Variants in NFX1 observed in about 807,000 individuals in gnomAD.
The protein encoded by NFX1 is nuclear transcription factor, X-box binding 1.
A neutral mutation model predicts 137.2 loss-of-function variants in NFX1; 69 were observed. That is an observed-to-expected ratio of 0.50 (90% CI 0.41 to 0.61). The LOEUF is 0.61. Ranked by LOEUF, NFX1 falls within the 20% of genes least tolerant of loss-of-function variation. NFX1 has a pLI of 0.00. For synonymous variants in NFX1, 495 were observed against 474.1 expected, an observed-to-expected ratio of 1.04 and a Z score of -0.57; for missense variants, 1,167 against 1,391.0, an observed-to-expected ratio of 0.84 and a Z score of 2.56.
intron 23 of NFX1, 40 bp from the exon 24 acceptor site, chr9:33,369,866 C>T (rs1824276175): frequency 6.7e-7 from 1 of 1,485,568 alleles, no homozygotes; most frequent in Admixed American, 1.7e-5. Context: ...CTGTTTCCCC[C>T]AAAGAAGAAA....
At chr9:33,316,484 TG>T (rs1822168247) in intron 7 of NFX1, among the ~76,000 whole-genome samples, 1 of 152,188 alleles carries the variant, frequency 6.6e-6, no homozygotes, top group African/African-American at 2.4e-5. Context: ...AAGTCTTTTT[TG>T]TACAAATTTC....
intron 19 of NFX1, among the ~76,000 whole-genome samples, chr9:33,359,330 G>T (rs1448364838): frequency 6.6e-6 from 1 of 152,084 alleles, no homozygotes; most frequent in Non-Finnish European, 1.5e-5. Flanking sequence ...CGGGCGCGGT[G>T]GCTCACGCCT....
At chr9:33,336,974 C>T (rs1823029242) in intron 11 of NFX1, among the ~76,000 whole-genome samples, 1 of 152,024 alleles carries the variant, frequency 6.6e-6, no homozygotes, top group African/African-American at 2.4e-5. Context: ...TGGTGGCAGG[C>T]ACCTGTAATC....
At position 33,338,059 on chromosome 9, in the gene NFX1, A is replaced by G. The variant is rs548544098; in HGVS notation, c.2036-451A>G. 3.5e-4 allele frequency among the ~76,000 whole-genome samples: 53 copies of G among 151,558 alleles called. 1 individual carries two copies. The East Asian group carries it at 7.5e-3, about 22-fold the overall frequency. ...GTGAGACCCTGTCTCAGAAAAAAAA[A>G]AAGAAAGCAAAAAGGCCAGGCGTGT... On this transcript the variant is annotated intron_variant, in intron 11 of 23. Coordinates refer to ENST00000379540, the MANE Select transcript of NFX1 (RefSeq NM_002504.6).
In NFX1 at chr9:33,315,507, A is replaced by G. The variant is rs529517444; in HGVS notation, c.1588+1714A>G. On this transcript the variant is annotated intron_variant, in intron 7 of 23. Coordinates refer to ENST00000379540, the MANE Select transcript of NFX1 (RefSeq NM_002504.6). ...CCTGGGTTGTTCAAAATCAGCTGTC[A>G]TATATTCTTTCCCCAGCGTTTCCTT... is the stretch of plus-strand genomic sequence containing the variant. Among the ~76,000 whole-genome samples the G allele has an allele frequency of 1.8e-4, 27 of 152,166 alleles. No homozygotes were observed. The South Asian group carries it at 4.8e-3, about 27-fold the overall frequency.
intron 19 of NFX1, among the ~76,000 whole-genome samples, chr9:33,355,980 G>A (rs556439874): frequency 6.6e-6 from 1 of 152,200 alleles, no homozygotes; most frequent in South Asian, 2.1e-4. Flanking sequence ...CTATATTTCT[G>A]TACATTTCTG....
chr9:33,316,662 A>G (rs1395350301), intron 7 of NFX1, among the ~76,000 whole-genome samples: 1 of 152,196 alleles, frequency 6.6e-6, no homozygotes, highest in Non-Finnish European at 1.5e-5. Context: ...AGCCTTATCT[A>G]GAGATTAATA....
chr9:33,365,144 G>A, intron 21 of NFX1: 1 of 249,370 alleles, frequency 4.0e-6, no homozygotes, highest in South Asian at 1.0e-4. Context: ...TGTGGTGGCG[G>A]GCACCTGTTA....
At chr9:33,351,934 G>GT in intron 16 of NFX1, 144 bp downstream of exon 16, 1 of 750,888 alleles carries the variant, frequency 1.3e-6, no homozygotes, top group South Asian at 2.3e-5. Flanking sequence ...GAAAGGTAGA[G>GT]TAAGTCATAC....
In NFX1 at chr9:33,306,011, T is replaced by G. The variant is rs144726964; in HGVS notation, c.1271-1183T>G. On this transcript the variant is annotated intron_variant, in intron 4 of 23. Transcript: ENST00000379540. Reference sequence around the variant, plus strand: ...AAAGCAAAAAACCCCAAAACATCATTTGGAGTCAGGGACAAAAGGTAGAGC... The same window carrying G: ...AAAGCAAAAAACCCCAAAACATCATGTGGAGTCAGGGACAAAAGGTAGAGC... Among the ~76,000 whole-genome samples the G allele has an allele frequency of 3.9e-5, 6 of 152,074 alleles. No homozygotes were observed. The East Asian group carries it at 1.2e-3, about 29-fold the overall frequency.
intron 22 of NFX1, among the ~76,000 whole-genome samples, chr9:33,367,128 T>C (rs1824192424): frequency 1.3e-5 from 2 of 152,350 alleles, no homozygotes; most frequent in Admixed American, 6.5e-5. Context: ...GGCTCTGTCC[T>C]CTTGGCATGG....
At chr9:33,365,365 G>A (rs2118700723) in intron 21 of NFX1, 1 of 152,472 alleles carries the variant, frequency 6.6e-6, no homozygotes, top group East Asian at 1.9e-4. Flanking sequence ...CAGCGCTTTG[G>A]GAGGCTGAGG....
rs1292970347 is a variant in NFX1 at position 33,294,820 on chromosome 9, T to C, written c.426T>C (p.Ser142=). 2 of 1,613,280 alleles carry C rather than the reference T, an allele frequency of 1.2e-6. No homozygotes were observed. Among genetic ancestry groups the C allele is most frequent in the Non-Finnish European group, 1.7e-6 (2 of 1,179,872 alleles). The change falls in exon 2 of 24, where the codon AGT becomes AGC. Residue 142 remains serine, a synonymous_variant. Transcript: ENST00000379540. Reference sequence around the variant, plus strand: ...TAGAGAGCTCGACCAGATCAGAGAGTGGGACAGACCTCAGAGAGCATAGTC... The same window carrying C: ...TAGAGAGCTCGACCAGATCAGAGAGCGGGACAGACCTCAGAGAGCATAGTC... ...AGLESSTRSE[S]GTDLREHSPS...
At chr9:33,334,126 C>T (rs1020054250) in intron 11 of NFX1, among the ~76,000 whole-genome samples, 5 of 152,140 alleles carry the variant, frequency 3.3e-5, no homozygotes, top group Admixed American at 2.6e-4. Context: ...GCCTGGGCGA[C>T]AGAGTGAGAC....
intron 1 of NFX1, among the ~76,000 whole-genome samples, chr9:33,292,724 T>C (rs1821207718): frequency 6.6e-6 from 1 of 152,216 alleles, no homozygotes; most frequent in Admixed American, 6.5e-5. Flanking sequence ...CAGCCTTCTC[T>C]GGATTCTCTA....
Position 33,328,645 on chromosome 9 carries a change from A to C in NFX1, c.1971A>C (p.Ser657=). 1 of 1,612,072 alleles carries C rather than the reference A, an allele frequency of 6.2e-7. No homozygotes were observed. Among genetic ancestry groups the C allele is most frequent in the Non-Finnish European group, 8.5e-7 (1 of 1,178,318 alleles). Residue 657 remains serine (S), a synonymous_variant, in exon 10 of 24, where the codon TCA becomes TCC. Coordinates refer to ENST00000379540, the MANE Select transcript of NFX1 (RefSeq NM_002504.6). ...ACTGTGGACCATGCTCTCGCACATCAGTTATTTCCTGCAGATGCTCTTTCA... is the reference window on the plus strand; with the variant it reads ...ACTGTGGACCATGCTCTCGCACATCCGTTATTTCCTGCAGATGCTCTTTCA... ...EGDCGPCSRT[S]VISCRCSFRT...
Position 33,318,778 on chromosome 9 carries a change from G to T in NFX1, c.1636G>T (p.Val546Leu). ...TSRDVLCGTDVGKSDGFGDFS... is the reference protein window; with the variant it reads ...TSRDVLCGTDLGKSDGFGDFS... ...CCGAGATGTGTTATGTGGAACCGAT[G>T]TAGGAAAGTCTGATGGATTTGGGGA... The change falls in exon 8 of 24, where the codon GTA becomes TTA. Residue 546 changes from valine (V) to leucine (L), a missense_variant. Val to Leu is a conservative substitution (Grantham distance 32, BLOSUM62 1). Transcript: ENST00000379540. The T allele has an allele frequency of 6.2e-7, 1 of 1,614,200 alleles. No individual in the cohort carries two copies. The highest frequency in any genetic ancestry group is 8.5e-7 in the Non-Finnish European group (1 of 1,180,042).
At chr9:33,350,847 C>A (rs971124174) in intron 15 of NFX1, among the ~76,000 whole-genome samples, 3 of 152,242 alleles carry the variant, frequency 2.0e-5, no homozygotes, top group African/African-American at 7.2e-5. Flanking sequence ...TAATAATAAT[C>A]CTTATTTTAA....
chr9:33,314,130 C>A (rs1822065476), intron 7 of NFX1, among the ~76,000 whole-genome samples: 1 of 151,822 alleles, frequency 6.6e-6, no homozygotes, highest in South Asian at 2.1e-4. Context: ...ATTACAGGTG[C>A]CTGCTATCAC....
Sources: gnomAD v4.1 joint callset for allele counts (sites outside exome capture counted in the v4.1 genomes callset) on GRCh38, gnomAD v4.1.1 for gene constraint, MANE v1.5 for transcripts, NCBI Gene and HGNC (gene_info 2026-07-23, HGNC 2026-07-21) for gene names.